Variants in PCDH18 observed in about 807,000 individuals in gnomAD.
PCDH18 encodes protocadherin-18.
In PCDH18, 38 loss-of-function variants were observed where a neutral mutation model predicts 71.5. The observed-to-expected ratio is 0.53, with a 90% CI of 0.41 to 0.70. The LOEUF is 0.70. Ranked by LOEUF, PCDH18 falls within the 30% of genes least tolerant of loss-of-function variation. PCDH18 has a pLI of 0.00. For missense variants in PCDH18, 1,334 were observed against 1,384.6 expected (o/e 0.96, Z 0.58); for synonymous variants, 565 against 505.4 (o/e 1.12, Z -1.58).
Position 137,530,562 on chromosome 4 carries a change from A to G in PCDH18, c.1527T>C (p.Ile509=), listed in dbSNP as rs201596313. 6.2e-6 allele frequency: 10 copies of G among 1,614,000 alleles called. No homozygotes were observed. Among genetic ancestry groups the G allele is most frequent in the African/African-American group, 1.3e-5 (1 of 74,932 alleles). ...QVTYTILESF[I]LGSSITTYVT... ...CATATGTAGTTATGGAACTTCCTAG[A>G]ATAAAACTCTCCAAGATGGTGTATG... Residue 509 remains isoleucine, a synonymous_variant, in exon 1 of 4, where the codon ATT becomes ATC. Transcript: ENST00000344876.
chr4:137,530,197 A>G lies in PCDH18; in HGVS notation c.1892T>C (p.Ile631Thr). The part of the protein sequence containing the change: ...VAGNEENIFI[I>T]DPRSCDIHTN... ...ATGGATGTCACATGATCGTGGATCA[A>G]TTATGAAGATATTCTCCTCATTACC... The change falls in exon 1 of 4, where the codon ATT (isoleucine) becomes ACT (threonine). Residue 631 changes from isoleucine (I) to threonine (T), a missense_variant. By Grantham distance (89) the Ile-to-Thr change is moderately conservative. Around this residue, in one of 3 missense-constraint regions of PCDH18, gnomAD observed 1,011 missense variants for 1,048.0 expected, o/e 0.96. Coordinates refer to ENST00000344876, the MANE Select transcript of PCDH18 (RefSeq NM_019035.5). 5 of 1,613,930 alleles carry G rather than the reference A, an allele frequency of 3.1e-6. No individual in the cohort carries two copies. The highest frequency in any genetic ancestry group is 1.7e-5 in the Admixed American group (1 of 60,008).
intron 3 of PCDH18, among the ~76,000 whole-genome samples, chr4:137,527,362 G>T (rs1731498740): frequency 1.3e-5 from 2 of 152,108 alleles, no homozygotes; most frequent in African/African-American, 4.8e-5. Context: ...GTAAATAGTT[G>T]TTATACTGTA....
At chr4:137,522,245 A>T (rs563047377) in intron 3 of PCDH18, among the ~76,000 whole-genome samples, 2 of 151,886 alleles carry the variant, frequency 1.3e-5, no homozygotes, top group Admixed American at 6.6e-5. Flanking sequence ...CAGCAGTGAA[A>T]AGTATCCTCA....
chr4:137,531,905 A>G lies in PCDH18; in HGVS notation c.184T>C (p.Ser62Pro), dbSNP rs760354676. The change falls in exon 1 of 4, where the codon TCT becomes CCT. Residue 62 changes from serine to proline, a missense_variant. Physicochemically the swap from Ser to Pro is moderately conservative, Grantham distance 74 (BLOSUM62 -1). Around this residue, in one of 3 missense-constraint regions of PCDH18, gnomAD observed 1,011 missense variants for 1,048.0 expected, o/e 0.96. Coordinates refer to ENST00000344876, the MANE Select transcript of PCDH18 (RefSeq NM_019035.5). ...TGCATGGCTCGAAATCGAACAGTAG[A>G]AGGATTAGGAAGCTTCAATAAAACA... is the stretch of plus-strand genomic sequence containing the variant. Reference protein sequence around the residue: ...ADVLLKLPNPSTVRFRAMQRG... With the variant: ...ADVLLKLPNPPTVRFRAMQRG... The G allele has an allele frequency of 1.9e-6, 3 of 1,614,036 alleles. No individual in the cohort carries two copies. The highest frequency in any genetic ancestry group is 2.5e-6 in the Non-Finnish European group (3 of 1,179,976).
In PCDH18 at chr4:137,531,881, G is replaced by C; in HGVS notation, c.208C>G (p.Gln70Glu). The C allele has an allele frequency of 4.3e-6, 7 of 1,613,704 alleles. No homozygotes were observed. Among genetic ancestry groups the C allele is most frequent in the Non-Finnish European group, 5.9e-6 (7 of 1,179,730 alleles). The change falls in exon 1 of 4, where the codon CAG becomes GAG. Residue 70 changes from glutamine to glutamate, a missense_variant. Gln to Glu is a conservative substitution (Grantham distance 29). Around this residue, in one of 3 missense-constraint regions of PCDH18, gnomAD observed 1,011 missense variants for 1,048.0 expected, o/e 0.96. Transcript: ENST00000344876. Reference protein sequence around the residue: ...NPSTVRFRAMQRGNSPLLVVN... With the variant: ...NPSTVRFRAMERGNSPLLVVN... ...ACAAGTAGAGGAGAATTTCCCCTCT[G>C]CATGGCTCGAAATCGAACAGTAGAA...
Position 137,521,564 on chromosome 4 carries a change from G to A in PCDH18, c.2873C>T (p.Pro958Leu), listed in dbSNP as rs1235892517. The change falls in exon 4 of 4, where the codon CCC (proline) becomes CTC (leucine). Residue 958 changes from proline (P) to leucine (L), a missense_variant. This residue lies in a region of PCDH18 where 319 missense variants were observed against 316.3 expected (regional missense o/e 1.01). Coordinates refer to ENST00000344876, the MANE Select transcript of PCDH18 (RefSeq NM_019035.5). ...FIPGEEFPTQ[P>L]QQQHPHQSLE... ...ACTCTGATGTGGATGCTGCTGCTGG[G>A]GTTGCGTTGGGAATTCTTCCCCTGG... 6.2e-7 allele frequency: 1 copy of A among 1,613,906 alleles called. No individual in the cohort carries two copies. The highest frequency in any genetic ancestry group is 1.3e-5 in the African/African-American group (1 of 74,888).
Position 137,521,538 on chromosome 4 carries a change from G to C in PCDH18, c.2899C>G (p.Leu967Val). ...QPQQQHPHQS[L>V]EDDAQPADSG... ...TCTGCAGGCTGAGCGTCATCCTCAA[G>C]ACTCTGATGTGGATGCTGCTGCTGG... The change falls in exon 4 of 4, where the codon CTT (leucine) becomes GTT (valine). Residue 967 changes from leucine (L) to valine (V), a missense_variant. By Grantham distance (32) the Leu-to-Val change is conservative. Around this residue, in one of 3 missense-constraint regions of PCDH18, gnomAD observed 319 missense variants for 316.3 expected, o/e 1.01. Transcript: ENST00000344876. 6.2e-7 allele frequency: 1 copy of C among 1,614,096 alleles called. No homozygotes were observed. Among genetic ancestry groups the C allele is most frequent in the Non-Finnish European group, 8.5e-7 (1 of 1,180,036 alleles).
At chr4:137,523,111 A>C (rs1177180978) in intron 3 of PCDH18, among the ~76,000 whole-genome samples, 1 of 152,162 alleles carries the variant, frequency 6.6e-6, no homozygotes, top group Non-Finnish European at 1.5e-5. Context: ...AAAAAAGCTG[A>C]ATCACTAGAA....
chr4:137,527,661 T>A (rs1731515249), intron 3 of PCDH18, among the ~76,000 whole-genome samples: 1 of 151,762 alleles, frequency 6.6e-6, no homozygotes. Flanking sequence ...ATGATCCACA[T>A]TCAGTGAAAC....
rs1236767955 is a variant in PCDH18 at position 137,529,734 on chromosome 4, T to C, written c.2355A>G (p.Leu785=). The change falls in exon 1 of 4, where the codon TTA becomes TTG. Residue 785 remains leucine (L), a synonymous_variant. Coordinates refer to ENST00000344876, the MANE Select transcript of PCDH18 (RefSeq NM_019035.5). ...HRSSPSSSPT[L]ERGQMGSRQS... is the part of the protein sequence containing the mutation. ...GCCGGCTGCCCATCTGCCCTCTTTC[T>C]AAGGTAGGAGATGAAGATGGAGACG... 5.0e-6 allele frequency: 8 copies of C among 1,613,808 alleles called. No individual in the cohort carries two copies. In the African/African-American group the frequency reaches 8.0e-5, roughly 16 times the overall value.
intron 3 of PCDH18, among the ~76,000 whole-genome samples, chr4:137,526,599 A>G (rs956733256): frequency 6.6e-6 from 1 of 152,036 alleles, no homozygotes; most frequent in Non-Finnish European, 1.5e-5. Context: ...AAAAACAAAA[A>G]ACAGACACCA....
intron 1 of PCDH18, 48 bp from the exon 2 acceptor site, chr4:137,528,868 C>T (rs370422017): frequency 4.9e-6 from 6 of 1,231,150 alleles, no homozygotes; most frequent in Non-Finnish European, 6.0e-6. Flanking sequence ...AGCCTCCAAA[C>T]ACTCACAATC....
At position 137,521,059 on chromosome 4, in the gene PCDH18, G is replaced by C. The variant is rs368060071; in HGVS notation, c.3378C>G (p.Asn1126Lys). ...TCTGGCGGACATCTTGAAGCAGTTT[G>C]TTAATCTCTGCCACCAGTTCACTGG... ...MDASELVAEINKLLQDVRQS is the reference protein window; with the variant it reads ...MDASELVAEIKKLLQDVRQS Residue 1126 changes from asparagine (N) to lysine (K), a missense_variant, in exon 4 of 4, where the codon AAC becomes AAG. By Grantham distance (94) the Asn-to-Lys change is moderately conservative (BLOSUM62 0). This residue lies in a region of PCDH18 where 319 missense variants were observed against 316.3 expected (regional missense o/e 1.01). Coordinates refer to ENST00000344876, the MANE Select transcript of PCDH18 (RefSeq NM_019035.5). The C allele has an allele frequency of 1.2e-6, 2 of 1,605,554 alleles. No individual in the cohort carries two copies. The highest frequency in any genetic ancestry group is 8.5e-7 in the Non-Finnish European group (1 of 1,173,620).
In PCDH18 at chr4:137,532,107, T is replaced by C; in HGVS notation, c.-19A>G. The C allele has an allele frequency of 6.3e-7, 1 of 1,589,788 alleles. No individual in the cohort carries two copies. Among genetic ancestry groups the C allele is most frequent in the South Asian group, 1.1e-5 (1 of 89,880 alleles). ...GGTGCATTGGTCAGTTTATGAGATT[T>C]CCCTCACAGAGCAAGTTAAAACAGC... is the stretch of plus-strand genomic sequence containing the variant. On this transcript the variant is annotated 5_prime_UTR_variant, in exon 1 of 4. Coordinates refer to ENST00000344876, the MANE Select transcript of PCDH18 (RefSeq NM_019035.5).
At position 137,520,944 on chromosome 4, in the gene PCDH18, A is replaced by G. The variant is rs892525418; in HGVS notation, c.*85T>C. On this transcript the variant is annotated 3_prime_UTR_variant, in exon 4 of 4. Coordinates refer to ENST00000344876, the MANE Select transcript of PCDH18 (RefSeq NM_019035.5). ...TTATGATAAATGCAACTATTTGGCA[A>G]TGCCAGTTCTTTCAGGGTTTTTTGT... 1 of 920,132 alleles carries G rather than the reference A, an allele frequency of 1.1e-6. No homozygotes were observed. Among genetic ancestry groups the G allele is most frequent in the Non-Finnish European group, 1.7e-6 (1 of 598,728 alleles). The allele number at this position is 920,132 out of a possible 1,614,324, so 57.0% of individuals were successfully genotyped here.
intron 3 of PCDH18, among the ~76,000 whole-genome samples, chr4:137,524,707 C>CT (rs1194871312): frequency 6.6e-6 from 1 of 152,104 alleles, no homozygotes; most frequent in Non-Finnish European, 1.5e-5. Context: ...AGTTAATAAG[C>CT]TAAGAGGGGA....
intron 3 of PCDH18, among the ~76,000 whole-genome samples, chr4:137,523,725 CA>C (rs1328197896): frequency 3.3e-5 from 5 of 151,974 alleles, no homozygotes; most frequent in African/African-American, 9.7e-5. Context: ...AACATATAAC[CA>C]ACAATACAAT....
At chr4:137,528,210 A>AT (rs1460083088) in intron 3 of PCDH18, among the ~76,000 whole-genome samples, 1 of 151,778 alleles carries the variant, frequency 6.6e-6, no homozygotes, top group Non-Finnish European at 1.5e-5. Flanking sequence ...TGTTTTTTTG[A>AT]TTTTTCCCCA....
In PCDH18 at chr4:137,528,651, T is replaced by C. The variant is rs1227096886; in HGVS notation, c.2577-10A>G. ...GTCTTGAAGGGCATATCTGGAAAGATAAATCACAAAAAAAAATTACAGTTT... is the reference window on the plus strand; with the variant it reads ...GTCTTGAAGGGCATATCTGGAAAGACAAATCACAAAAAAAAATTACAGTTT... On this transcript the variant is annotated splice_polypyrimidine_tract_variant and intron_variant, in intron 2 of 3. Transcript: ENST00000344876. 1 of 1,613,042 alleles carries C rather than the reference T, an allele frequency of 6.2e-7. No homozygotes were observed. The highest frequency in any genetic ancestry group is 1.3e-5 in the African/African-American group (1 of 74,808).
Sources: allele counts gnomAD v4.1 joint callset (sites outside exome capture counted in the v4.1 genomes callset), GRCh38; gene constraint gnomAD v4.1.1; regional missense constraint gnomAD v4.1.1; transcripts MANE v1.5; gene names NCBI Gene and HGNC (gene_info 2026-07-23, HGNC 2026-07-21).